NEGR1: variants seen among roughly 807,000 people sequenced by gnomAD.
The protein encoded by NEGR1 is neuronal growth regulator 1.
A neutral mutation model predicts 40.9 loss-of-function variants in NEGR1; 10 were observed. That is an observed-to-expected ratio of 0.24 (90% CI 0.15 to 0.42). The LOEUF (loss-of-function observed/expected upper bound fraction) is 0.42. Ranked by LOEUF, NEGR1 falls within the 10% of genes least tolerant of loss-of-function variation. The probability of loss-of-function intolerance (pLI) is 1.00; values close to 1 mark genes in which losing one functional copy is unlikely to be tolerated. For missense variants in NEGR1, 352 were observed against 438.9 expected (o/e 0.80, Z 1.77); for synonymous variants, 185 against 166.8 (o/e 1.11, Z -0.84).
At chr1:71,967,816 T>C (rs939024429) in intron 1 of NEGR1, among the ~76,000 whole-genome samples, 27 of 152,180 alleles carry the variant, frequency 1.8e-4, no homozygotes, top group Admixed American at 1.8e-3. Context: ...CATTATATTG[T>C]TTTCTGAAAG....
At chr1:71,935,833 C>G (rs1645900276) in intron 1 of NEGR1, among the ~76,000 whole-genome samples, 1 of 152,070 alleles carries the variant, frequency 6.6e-6, no homozygotes, top group Non-Finnish European at 1.5e-5. Context: ...GGGTCTTACT[C>G]TGTCGCCCAG....
intron 4 of NEGR1, among the ~76,000 whole-genome samples, chr1:71,653,480 G>A (rs890953719): frequency 6.6e-6 from 1 of 151,792 alleles, no homozygotes; most frequent in African/African-American, 2.4e-5. Flanking sequence ...TTCTTTTTAC[G>A]TTGCTTGCTT....
intron 1 of NEGR1, among the ~76,000 whole-genome samples, chr1:72,177,628 A>G (rs1652223328): frequency 6.6e-6 from 1 of 152,096 alleles, no homozygotes; most frequent in African/African-American, 2.4e-5. Flanking sequence ...TACATAAAAC[A>G]TTAATATTCT....
At chr1:71,895,953 C>A (rs546567994) in intron 2 of NEGR1, among the ~76,000 whole-genome samples, 1 of 151,548 alleles carries the variant, frequency 6.6e-6, no homozygotes, top group African/African-American at 2.4e-5. Context: ...TTATTCAACA[C>A]TTATTATTAT....
At chr1:72,147,127 T>G (rs796946871) in intron 1 of NEGR1, among the ~76,000 whole-genome samples, 1 of 152,200 alleles carries the variant, frequency 6.6e-6, no homozygotes, top group Non-Finnish European at 1.5e-5. Flanking sequence ...ATAAGTCATA[T>G]AAGGCAATAA....
At chr1:71,784,951 CAAA>C (rs1324842348) in intron 2 of NEGR1, among the ~76,000 whole-genome samples, 1 of 152,058 alleles carries the variant, frequency 6.6e-6, no homozygotes, top group Non-Finnish European at 1.5e-5. Context: ...ATTTTGAAGA[CAAA>C]AACACAACAT....
At chr1:72,011,179 C>T (rs535394329) in intron 1 of NEGR1, among the ~76,000 whole-genome samples, 4 of 152,134 alleles carry the variant, frequency 2.6e-5, no homozygotes, top group African/African-American at 9.6e-5. Context: ...GGCTGATGAA[C>T]ATTCTGAGAC....
intron 1 of NEGR1, among the ~76,000 whole-genome samples, chr1:72,108,360 C>T (rs1649216871): frequency 6.6e-6 from 1 of 151,530 alleles, no homozygotes; most frequent in African/African-American, 2.4e-5. Context: ...TGTAATTTTT[C>T]ACATTTTGCC....
chr1:71,973,644 CTCTT>C (rs1286047287), intron 1 of NEGR1, among the ~76,000 whole-genome samples: 1 of 152,110 alleles, frequency 6.6e-6, no homozygotes, highest in Non-Finnish European at 1.5e-5. Context: ...ATTATATCAT[CTCTT>C]TTTTTCTCTT....
At chr1:71,845,280 T>C (rs1659367196) in intron 2 of NEGR1, among the ~76,000 whole-genome samples, 2 of 152,100 alleles carry the variant, frequency 1.3e-5, no homozygotes, top group African/African-American at 4.8e-5. Context: ...TGCATAAATA[T>C]GAAAGCATAA....
In NEGR1 at chr1:72,079,920, G is replaced by A. The variant is rs184747115; in HGVS notation, c.177-144609C>T. Among the ~76,000 whole-genome samples, 118 of 151,968 alleles carry A rather than the reference G, an allele frequency of 7.8e-4. 1 individual carries two copies. Among genetic ancestry groups the A allele is most frequent in the Admixed American group, 1.4e-3 (21 of 15,264 alleles). ...AGAAAAAGGTTTTCACATTTTAGAC[G>A]GCTTAACAGAATCCGAGATTATATT... On this transcript the variant is annotated intron_variant, in intron 1 of 6. Coordinates refer to ENST00000357731, the MANE Select transcript of NEGR1 (RefSeq NM_173808.3).
chr1:71,512,300 A>T (rs892312470), intron 6 of NEGR1, among the ~76,000 whole-genome samples: 1 of 152,210 alleles, frequency 6.6e-6, no homozygotes, highest in Non-Finnish European at 1.5e-5. Context: ...ATTAAAAAAA[A>T]AATAACATAA....
At chr1:71,776,660 G>T (rs1425448433) in intron 2 of NEGR1, among the ~76,000 whole-genome samples, 1 of 152,098 alleles carries the variant, frequency 6.6e-6, no homozygotes, top group Non-Finnish European at 1.5e-5. Flanking sequence ...TGTTGAAATG[G>T]TTAAAAAAGA....
At chr1:71,848,845 TG>T (rs1659506269) in intron 2 of NEGR1, among the ~76,000 whole-genome samples, 1 of 152,148 alleles carries the variant, frequency 6.6e-6, no homozygotes, top group Non-Finnish European at 1.5e-5. Flanking sequence ...CCCAGCACTT[TG>T]GGAGGCCGAG....
chr1:71,493,246 C>A (rs1646941064), intron 6 of NEGR1, among the ~76,000 whole-genome samples: 1 of 152,082 alleles, frequency 6.6e-6, no homozygotes, highest in Non-Finnish European at 1.5e-5. Context: ...ACTTCAAAGA[C>A]CCACCGAATT....
At chr1:71,697,528 T>C (rs1345594238) in intron 4 of NEGR1, among the ~76,000 whole-genome samples, 1 of 151,826 alleles carries the variant, frequency 6.6e-6, no homozygotes, top group Non-Finnish European at 1.5e-5. Context: ...AATTCTTTCT[T>C]CACTTTCTTT....
At chr1:71,660,743 C>T (rs2101590189) in intron 4 of NEGR1, among the ~76,000 whole-genome samples, 1 of 152,196 alleles carries the variant, frequency 6.6e-6, no homozygotes, top group South Asian at 2.1e-4. Context: ...GATACATGCG[C>T]ACAACCTGCA....
chr1:71,805,311 T>G (rs1158608284), intron 2 of NEGR1, among the ~76,000 whole-genome samples: 1 of 152,198 alleles, frequency 6.6e-6, no homozygotes, highest in Non-Finnish European at 1.5e-5. Context: ...CTCTGTGACC[T>G]ACATCCTATT....
intron 6 of NEGR1, among the ~76,000 whole-genome samples, chr1:71,549,746 A>G (rs1362931057): frequency 6.6e-6 from 1 of 151,620 alleles, no homozygotes; most frequent in Admixed American, 6.6e-5. Flanking sequence ...GTCATATAAT[A>G]TCTACTTTGC....
Sources: allele counts gnomAD v4.1 joint callset (sites outside exome capture counted in the v4.1 genomes callset), GRCh38; gene constraint gnomAD v4.1.1; transcripts MANE v1.5; gene names NCBI Gene and HGNC (gene_info 2026-07-23, HGNC 2026-07-21).